Variants in SMIM35 observed in about 807,000 individuals in gnomAD.
The protein encoded by SMIM35 is TMPRSS4 antisense RNA 1 (non-protein coding).
chr11:118,058,009 G>T (rs1944341615), intron 1 of SMIM35, among the ~76,000 whole-genome samples: 1 of 152,206 alleles, frequency 6.6e-6, no homozygotes, highest in African/African-American at 2.4e-5. Context: ...ATACCTGGCT[G>T]CAGGGTAGGG....
intron 4 of SMIM35, among the ~76,000 whole-genome samples, chr11:118,006,812 T>A (rs2058124122): frequency 6.6e-6 from 1 of 152,188 alleles, no homozygotes; most frequent in Non-Finnish European, 1.5e-5. Flanking sequence ...CTGGATCCCT[T>A]CCCTGCAATT....
intron 1 of SMIM35, among the ~76,000 whole-genome samples, chr11:118,053,307 AACACACACACACACACACACACACAC>A (rs57912361): frequency 3.9e-4 from 55 of 142,100 alleles, no homozygotes; most frequent in African/African-American, 1.4e-3. Context: ...GACTCTCTAA[AACACACACACACACACACACACACAC>A]ACACACACAC....
chr11:118,029,584 CT>C (rs1426381201), intron 1 of SMIM35: 1 of 454,348 alleles, frequency 2.2e-6, no homozygotes, highest in African/African-American at 2.0e-5. Flanking sequence ...GACTTACCCC[CT>C]GTCTGCTTCT....
intron 1 of SMIM35, among the ~76,000 whole-genome samples, chr11:118,064,404 G>C (rs990013562): frequency 6.6e-6 from 1 of 152,156 alleles, no homozygotes; most frequent in Non-Finnish European, 1.5e-5. Flanking sequence ...TCAGGTTGGC[G>C]GTTCTGGGTG....
intron 1 of SMIM35, among the ~76,000 whole-genome samples, chr11:118,018,420 A>T (rs987193943): frequency 3.3e-5 from 5 of 152,190 alleles, no homozygotes; most frequent in Non-Finnish European, 4.4e-5. Flanking sequence ...AGAGACAGTA[A>T]TTAGAGGAAA....
chr11:118,082,646 C>A (rs1287084466), intron 1 of SMIM35, among the ~76,000 whole-genome samples: 1 of 152,022 alleles, frequency 6.6e-6, no homozygotes, highest in Non-Finnish European at 1.5e-5. Flanking sequence ...AAAGGGAAAA[C>A]CAGTAGCTAT....
chr11:118,086,500 G>A (rs761742798), intron 1 of SMIM35, among the ~76,000 whole-genome samples: 13 of 152,296 alleles, frequency 8.5e-5, no homozygotes, highest in Admixed American at 3.9e-4. Flanking sequence ...CAGTGTTTGT[G>A]AGGATGCTCC....
intron 1 of SMIM35, among the ~76,000 whole-genome samples, chr11:118,069,574 T>A (rs1328002280): frequency 6.6e-6 from 1 of 152,184 alleles, no homozygotes; most frequent in Non-Finnish European, 1.5e-5. Context: ...GCTTCATATA[T>A]GCTTTAGAGA....
rs566142678 is a variant in SMIM35, at chr11:118,082,509, C to T, written c.7+4242G>A. Among the ~76,000 whole-genome samples, 46 of 151,116 alleles carry T rather than the reference C, an allele frequency of 3.0e-4. 2 individuals are homozygous for T. The highest frequency in any genetic ancestry group is 6.6e-5 in the Admixed American group (1 of 15,152). ...CCAGGAGGCAGAGGTTGCAGTAAGC[C>T]GAGATCACACCACTGCACTCCAGCC... On this transcript the variant is annotated intron_variant, in intron 1 of 4. Transcript: ENST00000689828.
intron 1 of SMIM35, among the ~76,000 whole-genome samples, chr11:118,067,008 C>A (rs553469820): frequency 3.9e-5 from 6 of 152,084 alleles, no homozygotes; most frequent in Non-Finnish European, 7.4e-5. Flanking sequence ...TTCTCTTAAT[C>A]CCTGATATCT....
chr11:118,015,254 G>A (rs2058173413), intron 2 of SMIM35, among the ~76,000 whole-genome samples: 1 of 152,174 alleles, frequency 6.6e-6, no homozygotes, highest in Non-Finnish European at 1.5e-5. Flanking sequence ...TCAGAGTTGA[G>A]AACACCACAG....
intron 1 of SMIM35, among the ~76,000 whole-genome samples, chr11:118,084,579 C>T (rs573552516): frequency 1.1e-4 from 17 of 152,348 alleles, no homozygotes; most frequent in South Asian, 2.1e-4. Flanking sequence ...CCAGAACAAA[C>T]GAGAATCCTC....
At chr11:118,068,264 G>A (rs1278689122) in intron 1 of SMIM35, among the ~76,000 whole-genome samples, 1 of 151,934 alleles carries the variant, frequency 6.6e-6, no homozygotes, top group Non-Finnish European at 1.5e-5. Context: ...TTGCACCCCT[G>A]GTTTTCCACC....
chr11:118,034,784 C>T (rs1591288724), intron 1 of SMIM35, among the ~76,000 whole-genome samples: 1 of 152,174 alleles, frequency 6.6e-6, no homozygotes, highest in Non-Finnish European at 1.5e-5. Context: ...ATGCACCAAG[C>T]TATTCACCCA....
intron 1 of SMIM35, among the ~76,000 whole-genome samples, chr11:118,068,309 C>G (rs1268187627): frequency 2.0e-5 from 3 of 152,030 alleles, no homozygotes; most frequent in Non-Finnish European, 4.4e-5. Context: ...AAGCTCAATC[C>G]AAATGCTCCC....
At chr11:118,075,247 C>T (rs1358798129) in intron 1 of SMIM35, among the ~76,000 whole-genome samples, 1 of 152,230 alleles carries the variant, frequency 6.6e-6, no homozygotes, top group Non-Finnish European at 1.5e-5. Context: ...CTGCCCAAGA[C>T]TTCCAACTCT....
In SMIM35 at chr11:118,055,960, G is replaced by A. The variant is rs117510549; in HGVS notation, c.7+30791C>T. On this transcript the variant is annotated intron_variant, in intron 1 of 4. Coordinates refer to ENST00000689828, the MANE Select transcript of SMIM35 (RefSeq NM_001394165.1). ...AAGGAAGCATCCCTGGACTATGTGA[G>A]GTCTGTGATGAATTGTGAAGGATGG... 3.5e-4 allele frequency among the ~76,000 whole-genome samples: 53 copies of A among 152,054 alleles called. No homozygotes were observed. In the East Asian group the frequency reaches 9.1e-3, roughly 26 times the overall value.
chr11:118,043,087 C>A (rs1357396864), intron 1 of SMIM35, among the ~76,000 whole-genome samples: 1 of 152,186 alleles, frequency 6.6e-6, no homozygotes, highest in Non-Finnish European at 1.5e-5. Flanking sequence ...ATCAGTAACA[C>A]GACGAAGATG....
intron 1 of SMIM35, among the ~76,000 whole-genome samples, chr11:118,056,123 G>C: frequency 6.6e-6 from 1 of 152,112 alleles, no homozygotes; most frequent in Non-Finnish European, 1.5e-5. Flanking sequence ...TGGTGGATGG[G>C]GCAGGTCATG....
Sources: gnomAD v4.1 joint callset for allele counts (sites outside exome capture counted in the v4.1 genomes callset) on GRCh38, gnomAD v4.1.1 for gene constraint, MANE v1.5 for transcripts, NCBI Gene and HGNC (gene_info 2026-07-23, HGNC 2026-07-21) for gene names.